HS3ST4: variants seen among roughly 807,000 people sequenced by gnomAD.
HS3ST4 encodes heparan sulfate glucosamine 3-O-sulfotransferase 4.
A neutral mutation model predicts 29.2 loss-of-function variants in HS3ST4; 17 were observed. The observed-to-expected ratio is 0.58, with a 90% CI of 0.40 to 0.87. HS3ST4 has a LOEUF of 0.87. HS3ST4 is among the 40% of genes least tolerant of loss of function. The pLI, the probability that HS3ST4 is intolerant of heterozygous loss-of-function variation, is 0.00. For synonymous variants in HS3ST4, 314 were observed against 285.7 expected (o/e 1.10, Z -1.00); for missense variants, 627 against 634.5 (o/e 0.99, Z 0.13).
chr16:25,775,236 T>G (rs1261599529), intron 1 of HS3ST4, among the ~76,000 whole-genome samples: 1 of 152,110 alleles, frequency 6.6e-6, no homozygotes, highest in African/African-American at 2.4e-5. Context: ...ATACTGAGGA[T>G]TCTAGAGAAT....
intron 1 of HS3ST4, among the ~76,000 whole-genome samples, chr16:25,976,930 C>T (rs76310490): frequency 6.6e-6 from 1 of 151,950 alleles, no homozygotes; most frequent in Non-Finnish European, 1.5e-5. Context: ...GTAATTTTCA[C>T]GTCGCAAAAT....
intron 1 of HS3ST4, among the ~76,000 whole-genome samples, chr16:25,889,925 T>C (rs1449951414): frequency 2.0e-5 from 3 of 151,838 alleles, no homozygotes; most frequent in Non-Finnish European, 4.4e-5. Flanking sequence ...CTCTCTCTCT[T>C]GCCTGCTGCC....
At chr16:25,890,953 G>A (rs1444802698) in intron 1 of HS3ST4, among the ~76,000 whole-genome samples, 1 of 152,170 alleles carries the variant, frequency 6.6e-6, no homozygotes, top group African/African-American at 2.4e-5. Context: ...GGGCTGGCTG[G>A]GAAGGGAATG....
chr16:25,770,448 G>A (rs1181105285), intron 1 of HS3ST4, among the ~76,000 whole-genome samples: 11 of 152,166 alleles, frequency 7.2e-5, no homozygotes. Context: ...TAGATCGAAA[G>A]ACTAACACAC....
intron 1 of HS3ST4, among the ~76,000 whole-genome samples, chr16:25,837,628 C>G (rs1967370972): frequency 6.6e-6 from 1 of 151,644 alleles, no homozygotes; most frequent in African/African-American, 2.4e-5. Flanking sequence ...TTGTAAGGCG[C>G]ATGTTAGGGT....
At chr16:25,964,268 G>A (rs1397965895) in intron 1 of HS3ST4, among the ~76,000 whole-genome samples, 2 of 151,944 alleles carry the variant, frequency 1.3e-5, no homozygotes, top group East Asian at 1.9e-4. Flanking sequence ...AAAAACTACC[G>A]GTTGGGTACT....
chr16:25,692,649 A>T lies in HS3ST4; in HGVS notation c.232A>T (p.Ser78Cys). ...GGGCGCCGCCGCCGAGCCCCCGCCGAGCCCGCCGCCACCCTCTCTGCTGCC... is the reference window on the plus strand; with the variant it reads ...GGGCGCCGCCGCCGAGCCCCCGCCGTGCCCGCCGCCACCCTCTCTGCTGCC... ...SPGAAAEPPP[S>C]PPPPSLLPTP... The change falls in exon 1 of 2, where the codon AGC becomes TGC. Residue 78 changes from serine (S) to cysteine (C), a missense_variant. Around this residue, in one of 2 missense-constraint regions of HS3ST4, gnomAD observed 402 missense variants for 340.8 expected, o/e 1.18. Coordinates refer to ENST00000331351, the MANE Select transcript of HS3ST4 (RefSeq NM_006040.3). 5.2e-6 allele frequency: 7 copies of T among 1,357,308 alleles called. No homozygotes were observed. Among genetic ancestry groups the T allele is most frequent in the Non-Finnish European group, 6.7e-6 (7 of 1,046,198 alleles). The allele number at this position is 1,357,308 out of a possible 1,614,324, so 84.1% of individuals were successfully genotyped here.
At chr16:25,709,210 T>G (rs1966399251) in intron 1 of HS3ST4, among the ~76,000 whole-genome samples, 2 of 152,052 alleles carry the variant, frequency 1.3e-5, no homozygotes, top group Non-Finnish European at 2.9e-5. Flanking sequence ...GGCTGTAAAG[T>G]GGGTGCTAGC....
At chr16:25,859,066 T>G (rs1283296538) in intron 1 of HS3ST4, among the ~76,000 whole-genome samples, 2 of 152,158 alleles carry the variant, frequency 1.3e-5, no homozygotes, top group African/African-American at 4.8e-5. Flanking sequence ...TTTTATGAAT[T>G]TATTATTTAA....
chr16:26,098,475 A>G (rs1898954425), intron 1 of HS3ST4, among the ~76,000 whole-genome samples: 1 of 152,166 alleles, frequency 6.6e-6, no homozygotes, highest in Admixed American at 6.5e-5. Flanking sequence ...TCAGCAAACT[A>G]TCACAAGGAC....
At chr16:26,086,019 A>G (rs778943151) in intron 1 of HS3ST4, among the ~76,000 whole-genome samples, 11 of 152,080 alleles carry the variant, frequency 7.2e-5, no homozygotes, top group Admixed American at 1.3e-4. Flanking sequence ...GACCCTCCAT[A>G]TTGTCATCTG....
chr16:26,094,648 C>T (rs1341477896), intron 1 of HS3ST4, among the ~76,000 whole-genome samples: 2 of 152,176 alleles, frequency 1.3e-5, no homozygotes, highest in Non-Finnish European at 2.9e-5. Context: ...CAGTACCAGC[C>T]ACTGCAAAAA....
chr16:25,839,260 A>G (rs186833588), intron 1 of HS3ST4, among the ~76,000 whole-genome samples: 31 of 152,320 alleles, frequency 2.0e-4, no homozygotes, highest in South Asian at 1.0e-3. Context: ...GGGAAGATGT[A>G]TCTGATTTTA....
chr16:26,026,717 AG>A (rs1969478899), intron 1 of HS3ST4, among the ~76,000 whole-genome samples: 1 of 152,194 alleles, frequency 6.6e-6, no homozygotes, highest in South Asian at 2.1e-4. Context: ...TTACACGTCC[AG>A]CCCCGCATGA....
chr16:25,950,115 A>G (rs1051717971), intron 1 of HS3ST4, among the ~76,000 whole-genome samples: 1 of 152,152 alleles, frequency 6.6e-6, no homozygotes, highest in South Asian at 2.1e-4. Context: ...ATTTTGGAGA[A>G]TGACAGCTTT....
At chr16:25,861,493 A>G (rs531102915) in intron 1 of HS3ST4, among the ~76,000 whole-genome samples, 1 of 152,354 alleles carries the variant, frequency 6.6e-6, no homozygotes, top group Non-Finnish European at 1.5e-5. Context: ...AATCGTTGGC[A>G]TATGTGAAAA....
At chr16:25,827,533 C>CAAAAAAA (rs11371550) in intron 1 of HS3ST4, among the ~76,000 whole-genome samples, 1 of 136,248 alleles carries the variant, frequency 7.3e-6, no homozygotes, top group Non-Finnish European at 1.6e-5. Context: ...GCTGTCTTCA[C>CAAAAAAA]AAAAAAAAAA....
intron 1 of HS3ST4, among the ~76,000 whole-genome samples, chr16:25,737,088 G>A (rs751136256): frequency 1.3e-5 from 2 of 151,948 alleles, no homozygotes; most frequent in Non-Finnish European, 2.9e-5. Context: ...ATGCAGGTTT[G>A]TTATATAGGT....
intron 1 of HS3ST4, among the ~76,000 whole-genome samples, chr16:26,118,680 T>C (rs529078806): frequency 7.4e-4 from 112 of 152,238 alleles, no homozygotes; most frequent in African/African-American, 2.5e-3. Context: ...AAGAGCTGAA[T>C]GACAAGGAGG....
Sources: allele counts gnomAD v4.1 joint callset (sites outside exome capture counted in the v4.1 genomes callset), GRCh38; gene constraint gnomAD v4.1.1; regional missense constraint gnomAD v4.1.1; transcripts MANE v1.5; gene names NCBI Gene and HGNC (gene_info 2026-07-23, HGNC 2026-07-21).